LDLRAD4: variants seen among roughly 807,000 people sequenced by gnomAD.
LDLRAD4 encodes low density lipoprotein receptor class A domain containing 4.
Under a neutral mutation model 17.0 loss-of-function variants are expected in LDLRAD4, and 5 were observed. That is an observed-to-expected ratio of 0.29 (90% CI 0.15 to 0.62). LDLRAD4 has a LOEUF of 0.62. Ranked by LOEUF, LDLRAD4 falls within the 20% of genes least tolerant of loss-of-function variation. LDLRAD4 has a pLI of 0.84. For missense variants in LDLRAD4, 340 were observed against 424.7 expected, an observed-to-expected ratio of 0.80 and a Z score of 1.75; for synonymous variants, 168 against 171.8, an observed-to-expected ratio of 0.98 and a Z score of 0.17.
At chr18:13,309,179 G>A (rs1567991367) in intron 1 of LDLRAD4, among the ~76,000 whole-genome samples, 1 of 152,214 alleles carries the variant, frequency 6.6e-6, no homozygotes, top group Non-Finnish European at 1.5e-5. Flanking sequence ...TGAGCGACCC[G>A]GCCCCACTTG....
At chr18:13,381,005 C>A (rs1274168938) in intron 1 of LDLRAD4, among the ~76,000 whole-genome samples, 1 of 152,054 alleles carries the variant, frequency 6.6e-6, no homozygotes, top group East Asian at 1.9e-4. Context: ...CTCTGACTTG[C>A]TCTCAGATTT....
intron 1 of LDLRAD4, among the ~76,000 whole-genome samples, chr18:13,308,608 T>C (rs1454174829): frequency 1.3e-5 from 2 of 152,206 alleles, no homozygotes; most frequent in African/African-American, 2.4e-5. Flanking sequence ...TTTGGAAAGG[T>C]GAGAAATGGT....
chr18:13,642,301 G>C (rs886493222), intron 4 of LDLRAD4: 2 of 991,510 alleles, frequency 2.0e-6, no homozygotes, highest in Non-Finnish European at 1.2e-6. Context: ...CCAAACGCGG[G>C]CCCCTACACG....
intron 3 of LDLRAD4, among the ~76,000 whole-genome samples, chr18:13,445,556 GTGTGTT>G (rs2091335998): frequency 5.6e-5 from 5 of 89,584 alleles, no homozygotes; most frequent in South Asian, 4.7e-4. Context: ...ATGTCTATGT[GTGTGTT>G]TGTGCATGTG....
intron 1 of LDLRAD4, among the ~76,000 whole-genome samples, chr18:13,226,780 A>G (rs1226587817): frequency 6.6e-6 from 1 of 151,948 alleles, no homozygotes; most frequent in Non-Finnish European, 1.5e-5. Flanking sequence ...CTACTCAGGT[A>G]GGTTCAGGGC....
intron 4 of LDLRAD4, among the ~76,000 whole-genome samples, chr18:13,625,939 C>T (rs1042635979): frequency 2.0e-5 from 3 of 151,106 alleles, no homozygotes; most frequent in Admixed American, 6.6e-5. Flanking sequence ...TGGGACAGTG[C>T]ATGCTGCATG....
At chr18:13,585,528 A>G (rs2094922171) in intron 3 of LDLRAD4, 1 of 152,200 alleles carries the variant, frequency 6.6e-6, no homozygotes, top group Non-Finnish European at 1.5e-5. Flanking sequence ...TTTTGGCAAC[A>G]TAACTTCTGC....
intron 1 of LDLRAD4, among the ~76,000 whole-genome samples, chr18:13,244,204 C>T (rs1356590939): frequency 7.0e-6 from 1 of 143,126 alleles, no homozygotes; most frequent in Non-Finnish European, 1.5e-5. Context: ...TTCATCCATC[C>T]ATCCACCTAC....
At chr18:13,373,574 A>G (rs2084679394) in intron 1 of LDLRAD4, among the ~76,000 whole-genome samples, 2 of 152,190 alleles carry the variant, frequency 1.3e-5, no homozygotes, top group Non-Finnish European at 2.9e-5. Context: ...GATGGTTGAG[A>G]TCTTTGCTCA....
At chr18:13,540,787 G>T (rs190576912) in intron 3 of LDLRAD4, among the ~76,000 whole-genome samples, 68 of 152,326 alleles carry the variant, frequency 4.5e-4, no homozygotes, top group South Asian at 1.2e-3. Flanking sequence ...AATGCCCAGA[G>T]AATCAGTGTC....
intron 1 of LDLRAD4, among the ~76,000 whole-genome samples, chr18:13,347,114 A>T (rs971409922): frequency 8.0e-4 from 121 of 152,144 alleles, no homozygotes; most frequent in Non-Finnish European, 1.2e-3. Context: ...TCCTGTTATT[A>T]TGATGTTAGC....
chr18:13,605,474 T>C (rs1329136017), intron 3 of LDLRAD4, among the ~76,000 whole-genome samples: 2 of 152,218 alleles, frequency 1.3e-5, no homozygotes, highest in African/African-American at 4.8e-5. Flanking sequence ...TATCTTGGCC[T>C]CCCAAAGTGT....
intron 3 of LDLRAD4, among the ~76,000 whole-genome samples, chr18:13,593,814 G>A (rs1001493939): frequency 6.6e-6 from 1 of 152,072 alleles, no homozygotes; most frequent in Non-Finnish European, 1.5e-5. Context: ...GACAGGGTCT[G>A]TCTGTGTTTT....
chr18:13,267,584 A>G (rs1483472238), intron 1 of LDLRAD4, among the ~76,000 whole-genome samples: 2 of 152,254 alleles, frequency 1.3e-5, no homozygotes, highest in Non-Finnish European at 2.9e-5. Context: ...GTTTTCGCTC[A>G]GATCCAGCTC....
intron 3 of LDLRAD4, among the ~76,000 whole-genome samples, chr18:13,467,882 A>G (rs1361076814): frequency 1.3e-5 from 2 of 152,214 alleles, no homozygotes; most frequent in Non-Finnish European, 2.9e-5. Flanking sequence ...AAGTCCATTT[A>G]ATGGGAAAGA....
At chr18:13,584,992 A>G (rs113194381) in intron 3 of LDLRAD4, among the ~76,000 whole-genome samples, 36 of 152,350 alleles carry the variant, frequency 2.4e-4, no homozygotes, top group Admixed American at 1.0e-3. Flanking sequence ...GATAACGAGG[A>G]CAGAGCTTAT....
At chr18:13,511,634 G>A (rs1459649961) in intron 3 of LDLRAD4, among the ~76,000 whole-genome samples, 4 of 152,210 alleles carry the variant, frequency 2.6e-5, no homozygotes, top group Non-Finnish European at 4.4e-5. Context: ...TTTTCTGATA[G>A]GTAGAAATTT....
intron 3 of LDLRAD4, among the ~76,000 whole-genome samples, chr18:13,555,213 A>G (rs2094472340): frequency 6.6e-6 from 1 of 152,218 alleles, no homozygotes; most frequent in South Asian, 2.1e-4. Flanking sequence ...CGGAAAAGGG[A>G]CATTAGGTGA....
chr18:13,580,271 G>A (rs1222495843), intron 3 of LDLRAD4, among the ~76,000 whole-genome samples: 1 of 152,262 alleles, frequency 6.6e-6, no homozygotes. Flanking sequence ...GCTCTGGAGA[G>A]GCTGCCTGGG....
Sources: allele counts gnomAD v4.1 joint callset (sites outside exome capture counted in the v4.1 genomes callset), GRCh38; gene constraint gnomAD v4.1.1; transcripts MANE v1.5; gene names NCBI Gene and HGNC (gene_info 2026-07-23, HGNC 2026-07-21).